DPP10: variants seen among roughly 807,000 people sequenced by gnomAD.
DPP10 encodes inactive dipeptidyl peptidase 10.
Under a neutral mutation model 120.9 loss-of-function variants are expected in DPP10, and 33 were observed. The ratio of observed to expected loss-of-function variants is 0.27; its 90% CI spans 0.21 to 0.37. The LOEUF (loss-of-function observed/expected upper bound fraction) is 0.37. Ranked by LOEUF, DPP10 falls within the 10% of genes least tolerant of loss-of-function variation. The pLI, the probability that DPP10 is intolerant of heterozygous loss-of-function variation, is 1.00. For missense variants in DPP10, 816 were observed against 942.8 expected (o/e 0.87, Z 1.76); for synonymous variants, 337 against 326.1 (o/e 1.03, Z -0.36).
At chr2:115,555,058 G>C (rs1475069953) in intron 5 of DPP10, among the ~76,000 whole-genome samples, 1 of 152,066 alleles carries the variant, frequency 6.6e-6, no homozygotes, top group Admixed American at 6.6e-5. Flanking sequence ...AACTAGAAAG[G>C]ACATGACTAT....
At chr2:115,018,265 G>A (rs1573323910) in intron 1 of DPP10, among the ~76,000 whole-genome samples, 1 of 152,196 alleles carries the variant, frequency 6.6e-6, no homozygotes, top group Non-Finnish European at 1.5e-5. Context: ...TGGTAGGAGT[G>A]TAAATTAGTT....
At chr2:115,367,869 G>GA (rs36120778) in intron 3 of DPP10, among the ~76,000 whole-genome samples, 118,219 of 151,790 alleles carry the variant, frequency 0.78, 46,380 homozygotes, top group Non-Finnish European at 0.83. Context: ...GATGCAAAAG[G>GA]AAAAAAATAC....
chr2:115,665,791 A>G (rs116761007), intron 5 of DPP10, among the ~76,000 whole-genome samples: 1,827 of 151,870 alleles, frequency 0.012, 32 homozygotes, highest in African/African-American at 0.04. Flanking sequence ...CAAGCTTACC[A>G]TTTTTTTAAT....
chr2:115,192,520 G>T (rs923405729), intron 1 of DPP10, among the ~76,000 whole-genome samples: 1 of 152,148 alleles, frequency 6.6e-6, no homozygotes, highest in African/African-American at 2.4e-5. Context: ...CCTCATAAGG[G>T]GTTTGGATAA....
intron 1 of DPP10, among the ~76,000 whole-genome samples, chr2:115,006,276 AAGACCATCG>A (rs1701833786): frequency 6.6e-6 from 1 of 152,278 alleles, no homozygotes; most frequent in Admixed American, 6.5e-5. Context: ...TCAAAATGTA[AAGACCATCG>A]AGACTAGGAA....
chr2:114,958,961 A>G (rs1432199937), intron 1 of DPP10, among the ~76,000 whole-genome samples: 2 of 152,210 alleles, frequency 1.3e-5, no homozygotes, highest in African/African-American at 4.8e-5. Flanking sequence ...GAGGTACAGC[A>G]AATGATTTTC....
chr2:115,811,055 G>A (rs1231371141), intron 19 of DPP10, among the ~76,000 whole-genome samples: 3 of 152,104 alleles, frequency 2.0e-5, no homozygotes, highest in African/African-American at 7.2e-5. Flanking sequence ...TTATTTATAA[G>A]TCTAGTATTT....
chr2:115,330,778 G>T (rs934325041), intron 2 of DPP10, among the ~76,000 whole-genome samples: 1 of 151,880 alleles, frequency 6.6e-6, no homozygotes, highest in Non-Finnish European at 1.5e-5. Context: ...CTGTTCCATT[G>T]GTCTATATCT....
intron 1 of DPP10, among the ~76,000 whole-genome samples, chr2:114,516,722 A>C (rs1447082006): frequency 6.6e-6 from 1 of 152,360 alleles, no homozygotes; most frequent in Non-Finnish European, 1.5e-5. Flanking sequence ...AATAGTTTAA[A>C]CTGGTTTACC....
chr2:115,072,709 T>C (rs72949792), intron 1 of DPP10, among the ~76,000 whole-genome samples: 24,777 of 152,246 alleles, frequency 0.16, 2,287 homozygotes, highest in African/African-American at 0.27. Flanking sequence ...TAAAATTTTC[T>C]ATTTATCCTG....
At chr2:115,365,940 A>G (rs1012470108) in intron 3 of DPP10, among the ~76,000 whole-genome samples, 1 of 151,986 alleles carries the variant, frequency 6.6e-6, no homozygotes, top group African/African-American at 2.4e-5. Flanking sequence ...TTATGTTACT[A>G]ATGAGTATTA....
chr2:115,499,388 G>A, intron 3 of DPP10, 122 bp from the exon 4 acceptor site: 1 of 712,156 alleles, frequency 1.4e-6, no homozygotes. Flanking sequence ...ATCTGCTTGG[G>A]TTATTGAAGG....
chr2:115,754,110 A>G (rs1014942423), intron 11 of DPP10, among the ~76,000 whole-genome samples: 8 of 152,158 alleles, frequency 5.3e-5, no homozygotes, highest in Admixed American at 2.6e-4. Context: ...CAACCTTGCT[A>G]TGACTTTCTA....
chr2:114,958,872 C>T (rs1574573557), intron 1 of DPP10, among the ~76,000 whole-genome samples: 2 of 152,030 alleles, frequency 1.3e-5, no homozygotes, highest in African/African-American at 2.4e-5. Context: ...ACAAGGTAGG[C>T]TTTTTACATT....
rs375984585 is a variant in DPP10 at position 115,543,955 on chromosome 2, TG to T, written c.441+17984del. ...ATTAAATGGATTTTTATTTAACAAT[TG>T]TAACTTCAAAGGGGACAAAAAATTA... On this transcript the variant is annotated intron_variant, in intron 5 of 25. Transcript: ENST00000410059. Among the ~76,000 whole-genome samples the T allele has an allele frequency of 5.1e-3, 770 of 151,968 alleles. 7 individuals carry two copies. The highest frequency in any genetic ancestry group is 0.018 in the African/African-American group (731 of 41,482).
intron 5 of DPP10, among the ~76,000 whole-genome samples, chr2:115,685,320 A>G (rs907261364): frequency 6.6e-6 from 1 of 151,988 alleles, no homozygotes; most frequent in Non-Finnish European, 1.5e-5. Flanking sequence ...TAAGTCAACT[A>G]GTATATTTCT....
intron 13 of DPP10, among the ~76,000 whole-genome samples, chr2:115,774,535 G>T (rs1171071219): frequency 1.3e-5 from 2 of 152,010 alleles, no homozygotes; most frequent in Non-Finnish European, 2.9e-5. Context: ...CCAGCCTTTG[G>T]GTTATGCAGT....
At chr2:115,746,062 A>G (rs768154465) in intron 9 of DPP10, 24 bp from the exon 10 acceptor site, 2 of 1,521,320 alleles carry the variant, frequency 1.3e-6, no homozygotes, top group Non-Finnish European at 1.8e-6. Flanking sequence ...ATGTACTTGC[A>G]ATACAACTTT....
At chr2:115,420,273 G>T (rs2069818304) in intron 3 of DPP10, among the ~76,000 whole-genome samples, 1 of 152,222 alleles carries the variant, frequency 6.6e-6, no homozygotes, top group African/African-American at 2.4e-5. Context: ...TGGTACAAAT[G>T]GAGTAGACAC....
Sources: allele counts gnomAD v4.1 joint callset (sites outside exome capture counted in the v4.1 genomes callset), GRCh38; gene constraint gnomAD v4.1.1; transcripts MANE v1.5; gene names NCBI Gene and HGNC (gene_info 2026-07-23, HGNC 2026-07-21).